Variants in AGMO observed in about 807,000 individuals in gnomAD.
The protein encoded by AGMO is alkylglycerol monooxygenase.
A neutral mutation model predicts 60.2 loss-of-function variants in AGMO; 75 were observed. That is an observed-to-expected ratio of 1.25 (90% CI 1.03 to 1.51). The LOEUF (loss-of-function observed/expected upper bound fraction) is 1.51. Among genes scored for constraint, AGMO ranks in the 40% most tolerant of loss-of-function variants. The probability of loss-of-function intolerance (pLI) is 0.00; values close to 1 mark genes in which losing one functional copy is unlikely to be tolerated. For missense variants in AGMO, 763 were observed against 525.5 expected (o/e 1.45, Z -4.42); for synonymous variants, 261 against 177.1 (o/e 1.47, Z -3.76).
chr7:15,395,929 C>T (rs1273851069), intron 5 of AGMO: 1 of 152,148 alleles, frequency 6.6e-6, no homozygotes, highest in African/African-American at 2.4e-5. Flanking sequence ...CTTGTGGCAT[C>T]ACATCCCCTC....
At chr7:15,377,368 CAT>C (rs201140427) in intron 10 of AGMO, among the ~76,000 whole-genome samples, 1,629 of 152,156 alleles carry the variant, frequency 0.011, 44 homozygotes, top group African/African-American at 0.037. Flanking sequence ...AATATATCTA[CAT>C]GAGTTTCTCA....
intron 12 of AGMO, among the ~76,000 whole-genome samples, chr7:15,361,274 G>T (rs928908716): frequency 1.1e-4 from 16 of 148,462 alleles, no homozygotes; most frequent in Non-Finnish European, 2.4e-4. Context: ...TGTGAACTTA[G>T]TTGAAAAAAA....
intron 12 of AGMO, among the ~76,000 whole-genome samples, chr7:15,284,657 G>A (rs936901685): frequency 6.6e-6 from 1 of 151,814 alleles, no homozygotes; most frequent in Admixed American, 6.6e-5. Context: ...AGAAAAATTG[G>A]GACCAACCCT....
intron 12 of AGMO, among the ~76,000 whole-genome samples, chr7:15,224,349 G>C (rs1782013954): frequency 6.6e-6 from 1 of 151,942 alleles, no homozygotes; most frequent in South Asian, 2.1e-4. Flanking sequence ...TAGGTCATGA[G>C]GGTAGAAAGC....
At chr7:15,436,333 G>A (rs1037934061) in intron 3 of AGMO, among the ~76,000 whole-genome samples, 1 of 152,034 alleles carries the variant, frequency 6.6e-6, no homozygotes, top group Non-Finnish European at 1.5e-5. Context: ...AGTTGTTTCT[G>A]TGCTTCGAAG....
intron 3 of AGMO, among the ~76,000 whole-genome samples, chr7:15,531,951 G>A (rs1410307383): frequency 1.3e-5 from 2 of 151,934 alleles, no homozygotes; most frequent in East Asian, 1.9e-4. Context: ...TTACAAGCCT[G>A]AGCCACCACC....
At chr7:15,535,748 T>C (rs1784469948) in intron 3 of AGMO, among the ~76,000 whole-genome samples, 1 of 151,904 alleles carries the variant, frequency 6.6e-6, no homozygotes, top group South Asian at 2.1e-4. Context: ...TCATAAAAAA[T>C]TGGATATCCA....
At chr7:15,197,856 A>G (rs1471794955), downstream of AGMO, among the ~76,000 whole-genome samples, 1 of 152,192 alleles carries the variant, frequency 6.6e-6, no homozygotes, top group Admixed American at 6.5e-5. Flanking sequence ...GATGTCTGAC[A>G]TCGTGGAATG....
chr7:15,120,342 G>C, the AGMO span, among the ~76,000 whole-genome samples: 1 of 152,100 alleles, frequency 6.6e-6, no homozygotes, highest in Non-Finnish European at 1.5e-5. Context: ...AGAAGCGTTT[G>C]ACCCTGATGA....
At chr7:15,468,038 T>G (rs1782340024) in intron 3 of AGMO, among the ~76,000 whole-genome samples, 1 of 152,162 alleles carries the variant, frequency 6.6e-6, no homozygotes, top group African/African-American at 2.4e-5. Flanking sequence ...CAAGATTTTC[T>G]AACAAATCTG....
chr7:15,407,392 T>C (rs1176236617), intron 5 of AGMO, among the ~76,000 whole-genome samples: 1 of 151,358 alleles, frequency 6.6e-6, no homozygotes, highest in Non-Finnish European at 1.5e-5. Flanking sequence ...AAGAAATGTA[T>C]AGGATTTCCA....
At chr7:15,366,942 A>C (rs6951090) in intron 10 of AGMO, among the ~76,000 whole-genome samples, 2 of 151,802 alleles carry the variant, frequency 1.3e-5, no homozygotes, top group Non-Finnish European at 2.9e-5. Context: ...TTAGATTTCT[A>C]ACTTGCAAAT....
intron 6 of AGMO, among the ~76,000 whole-genome samples, chr7:15,392,965 A>G (rs1046416013): frequency 3.3e-5 from 5 of 152,256 alleles, no homozygotes; most frequent in African/African-American, 1.2e-4. Flanking sequence ...TAAGTGTTGA[A>G]TATCTCACAT....
At chr7:15,142,588 C>G in the AGMO span, among the ~76,000 whole-genome samples, 71 of 152,268 alleles carry the variant, frequency 4.7e-4, no homozygotes, top group African/African-American at 1.5e-3. Flanking sequence ...TTCTCCTCTA[C>G]TTATCCTCAT....
chr7:15,523,774 T>C (rs943531713), intron 3 of AGMO, among the ~76,000 whole-genome samples: 1 of 152,096 alleles, frequency 6.6e-6, no homozygotes, highest in Non-Finnish European at 1.5e-5. Context: ...CCATGGCACA[T>C]GTATACCTAT....
chr7:15,349,728 TATA>T (rs1563101983), intron 12 of AGMO, among the ~76,000 whole-genome samples: 3 of 152,106 alleles, frequency 2.0e-5, no homozygotes, highest in African/African-American at 7.2e-5. Context: ...TCAGGAAACT[TATA>T]ATCATGGCAG....
intron 12 of AGMO, among the ~76,000 whole-genome samples, chr7:15,297,884 G>T (rs1310019676): frequency 6.6e-6 from 1 of 152,056 alleles, no homozygotes; most frequent in African/African-American, 2.4e-5. Flanking sequence ...AATCCAAATA[G>T]CCAGGAAGGC....
intron 5 of AGMO, chr7:15,395,934 C>A (rs1784358953): frequency 6.6e-6 from 1 of 152,240 alleles, no homozygotes; most frequent in Admixed American, 6.5e-5. Context: ...GGCATCACAT[C>A]CCCTCTTGAA....
intron 12 of AGMO, among the ~76,000 whole-genome samples, chr7:15,356,570 A>G (rs1203661931): frequency 3.9e-5 from 6 of 152,112 alleles, no homozygotes; most frequent in Non-Finnish European, 5.9e-5. Context: ...TGATAAGCAC[A>G]AAGTACAAAA....
Sources: allele counts gnomAD v4.1 joint callset (sites outside exome capture counted in the v4.1 genomes callset), GRCh38; gene constraint gnomAD v4.1.1; transcripts MANE v1.5; gene names NCBI Gene and HGNC (gene_info 2026-07-23, HGNC 2026-07-21).